Variants in DTNA observed in about 807,000 individuals in gnomAD.
DTNA encodes dystrobrevin alpha, also known as dystrophin-related protein 3.
A neutral mutation model predicts 100.7 loss-of-function variants in DTNA; 43 were observed. The observed-to-expected ratio is 0.43, with a 90% CI of 0.33 to 0.55. The LOEUF is 0.55. DTNA is among the 20% of genes least tolerant of loss of function. The pLI, the probability that DTNA is intolerant of heterozygous loss-of-function variation, is 0.04. For missense variants in DTNA, 798 were observed against 953.9 expected (o/e 0.84, Z 2.15); for synonymous variants, 349 against 347.9 (o/e 1.00, Z -0.04).
chr18:34,643,323 C>CA (rs2059500512), intron 1 of DTNA, among the ~76,000 whole-genome samples: 1 of 152,296 alleles, frequency 6.6e-6, no homozygotes, highest in African/African-American at 2.4e-5. Flanking sequence ...GTTTAACTTT[C>CA]AAAATTAACA....
chr18:34,744,488 T>A (rs2091250533), intron 1 of DTNA, among the ~76,000 whole-genome samples: 3 of 152,170 alleles, frequency 2.0e-5, no homozygotes, highest in Non-Finnish European at 4.4e-5. Flanking sequence ...TCTGTCTACC[T>A]TGTTGGTTTT....
At chr18:34,537,177 C>T (rs2043798683) in intron 1 of DTNA, among the ~76,000 whole-genome samples, 1 of 151,974 alleles carries the variant, frequency 6.6e-6, no homozygotes, top group Non-Finnish European at 1.5e-5. Flanking sequence ...GGTTGTTAAA[C>T]TCCTTCAGCT....
chr18:34,515,046 A>T (rs1218550655), intron 1 of DTNA, among the ~76,000 whole-genome samples: 2 of 152,028 alleles, frequency 1.3e-5, no homozygotes, highest in Non-Finnish European at 2.9e-5. Context: ...TGTTTAGTTC[A>T]GCTATTAGGG....
intron 1 of DTNA, among the ~76,000 whole-genome samples, chr18:34,532,033 C>T (rs1264689224): frequency 1.3e-5 from 2 of 152,072 alleles, no homozygotes; most frequent in Non-Finnish European, 2.9e-5. Flanking sequence ...ATTCAAACAG[C>T]ATTCACAGAG....
chr18:34,811,664 A>C (rs752768115), intron 5 of DTNA, among the ~76,000 whole-genome samples: 3 of 152,178 alleles, frequency 2.0e-5, no homozygotes, highest in Non-Finnish European at 4.4e-5. Flanking sequence ...TTAATAGTTG[A>C]CCTCAAAACA....
chr18:34,569,680 A>C (rs1293426330), intron 1 of DTNA, among the ~76,000 whole-genome samples: 1 of 152,188 alleles, frequency 6.6e-6, no homozygotes, highest in Non-Finnish European at 1.5e-5. Flanking sequence ...AGAGTGGGAC[A>C]GCAGTCTGGA....
At chr18:34,559,682 G>A (rs546208568) in intron 1 of DTNA, among the ~76,000 whole-genome samples, 2 of 152,204 alleles carry the variant, frequency 1.3e-5, no homozygotes, top group African/African-American at 4.8e-5. Flanking sequence ...CAGAAGTAAA[G>A]GTTGCATCCT....
At chr18:34,742,069 G>A (rs1027228430) in intron 1 of DTNA, among the ~76,000 whole-genome samples, 62 of 152,136 alleles carry the variant, frequency 4.1e-4, no homozygotes, top group Non-Finnish European at 2.9e-5. Context: ...TATTTAGGAG[G>A]TAGTAGAGTC....
At chr18:34,788,778 T>A (rs2094599726) in intron 3 of DTNA, among the ~76,000 whole-genome samples, 1 of 152,250 alleles carries the variant, frequency 6.6e-6, no homozygotes, top group Non-Finnish European at 1.5e-5. Context: ...TTCACCCACA[T>A]AATACGTCAT....
chr18:34,523,973 T>C (rs1475786815), intron 1 of DTNA, among the ~76,000 whole-genome samples: 1 of 149,096 alleles, frequency 6.7e-6, no homozygotes, highest in Non-Finnish European at 1.5e-5. Context: ...GACTTCTGTT[T>C]ATGGTTTTGA....
At chr18:34,760,739 C>A (rs2093097607) in intron 2 of DTNA, among the ~76,000 whole-genome samples, 1 of 152,188 alleles carries the variant, frequency 6.6e-6, no homozygotes, top group Non-Finnish European at 1.5e-5. Flanking sequence ...GTTTGTGCCT[C>A]ATTTTGTCGC....
intron 1 of DTNA, among the ~76,000 whole-genome samples, chr18:34,628,685 A>C (rs887950068): frequency 1.2e-4 from 19 of 152,210 alleles, no homozygotes; most frequent in African/African-American, 4.6e-4. Flanking sequence ...ATGTTTCTAA[A>C]GATATAGCTA....
At chr18:34,510,085 G>GTGTGTGTC (rs1298025190) in intron 1 of DTNA, among the ~76,000 whole-genome samples, 1 of 150,346 alleles carries the variant, frequency 6.7e-6, no homozygotes, top group South Asian at 2.1e-4. Flanking sequence ...GTGTGTGTGT[G>GTGTGTGTC]TGTGTGTGGT....
chr18:34,754,283 CT>C (rs1334428502), intron 1 of DTNA, among the ~76,000 whole-genome samples: 1 of 152,058 alleles, frequency 6.6e-6, no homozygotes, highest in Non-Finnish European at 1.5e-5. Context: ...AGCTCATTAC[CT>C]TTTGAGCAGT....
chr18:34,653,909 C>G (rs989142268), intron 1 of DTNA, among the ~76,000 whole-genome samples: 19 of 152,202 alleles, frequency 1.2e-4, no homozygotes, highest in African/African-American at 4.3e-4. Context: ...TGGAGACTCA[C>G]AATACAGTAT....
At chr18:34,577,855 G>A (rs748825698) in intron 1 of DTNA, among the ~76,000 whole-genome samples, 9 of 151,628 alleles carry the variant, frequency 5.9e-5, no homozygotes, top group South Asian at 2.1e-4. Context: ...TTATCCACTC[G>A]TTGATTGATG....
intron 1 of DTNA, among the ~76,000 whole-genome samples, chr18:34,719,457 C>T (rs1287393609): frequency 6.6e-6 from 1 of 152,054 alleles, no homozygotes; most frequent in African/African-American, 2.4e-5. Flanking sequence ...GAAATTAAGG[C>T]CCGAGAGGTT....
chr18:34,843,397 A>T (rs150974224), intron 13 of DTNA, among the ~76,000 whole-genome samples: 1 of 152,028 alleles, frequency 6.6e-6, no homozygotes, highest in Non-Finnish European at 1.5e-5. Context: ...TCATCTTTGT[A>T]TTAGTTTGCT....
At chr18:34,571,124 C>G (rs1307027402) in intron 1 of DTNA, among the ~76,000 whole-genome samples, 1 of 152,266 alleles carries the variant, frequency 6.6e-6, no homozygotes, top group East Asian at 1.9e-4. Context: ...AAATTCAAGC[C>G]TATATTGACT....
Sources: allele counts gnomAD v4.1 joint callset (sites outside exome capture counted in the v4.1 genomes callset), GRCh38; gene constraint gnomAD v4.1.1; transcripts MANE v1.5; gene names NCBI Gene and HGNC (gene_info 2026-07-23, HGNC 2026-07-21).